The following SH3GL3 variants were observed in gnomAD, a reference collection of about 807,000 sequenced individuals.
SH3GL3 encodes SH3 domain containing GRB2 like 3, endophilin A3.
In SH3GL3, 33 loss-of-function variants were observed where a neutral mutation model predicts 47.7. That is an observed-to-expected ratio of 0.69 (90% CI 0.52 to 0.92). The LOEUF is 0.92. Ranked by LOEUF, SH3GL3 falls within the 40% of genes least tolerant of loss-of-function variation. SH3GL3 has a pLI of 0.00. For missense variants in SH3GL3, 363 were observed against 417.8 expected, an observed-to-expected ratio of 0.87 and a Z score of 1.14; for synonymous variants, 155 against 148.8, an observed-to-expected ratio of 1.04 and a Z score of -0.30.
chr15:83,627,462 T>C, the SH3GL3 span, among the ~76,000 whole-genome samples: 1 of 151,788 alleles, frequency 6.6e-6, no homozygotes, highest in Non-Finnish European at 1.5e-5. Flanking sequence ...CTGTATTTCA[T>C]ATGTCCTAGT....
At chr15:83,460,075 T>G (rs1268596048) in intron 1 of SH3GL3, among the ~76,000 whole-genome samples, 4 of 121,404 alleles carry the variant, frequency 3.3e-5, no homozygotes, top group Non-Finnish European at 5.1e-5. Flanking sequence ...CCTCCCTTCC[T>G]TCCTTCCTTC....
At chr15:83,588,597 G>A in intron 7 of SH3GL3, 65 bp from the exon 8 acceptor site, 1 of 993,538 alleles carries the variant, frequency 1.0e-6, no homozygotes, top group East Asian at 2.4e-5. Context: ...ACAAGGCAGA[G>A]AGGATGTGTG....
chr15:83,621,388 A>G (rs562117325), downstream of SH3GL3, among the ~76,000 whole-genome samples: 30 of 152,272 alleles, frequency 2.0e-4, no homozygotes, highest in African/African-American at 6.7e-4. Flanking sequence ...TAATTGGCCT[A>G]ATTTCAATAT....
intron 1 of SH3GL3, among the ~76,000 whole-genome samples, chr15:83,476,168 C>G (rs2041085302): frequency 6.6e-6 from 1 of 152,120 alleles, no homozygotes; most frequent in African/African-American, 2.4e-5. Flanking sequence ...TATCCTCCTT[C>G]TACGAAGGAG....
At chr15:83,516,849 G>A (rs969881024) in intron 1 of SH3GL3, among the ~76,000 whole-genome samples, 1 of 151,866 alleles carries the variant, frequency 6.6e-6, no homozygotes, top group Non-Finnish European at 1.5e-5. Context: ...GCCTATTTTT[G>A]AACTTCTAAA....
At chr15:83,500,878 T>C (rs1254166783) in intron 1 of SH3GL3, among the ~76,000 whole-genome samples, 1 of 152,240 alleles carries the variant, frequency 6.6e-6, no homozygotes, top group Non-Finnish European at 1.5e-5. Flanking sequence ...TTACCTGGGC[T>C]AGTAACTCGC....
chr15:83,457,844 C>T (rs990800180), intron 1 of SH3GL3, among the ~76,000 whole-genome samples: 5 of 152,106 alleles, frequency 3.3e-5, no homozygotes, highest in African/African-American at 9.7e-5. Context: ...GGATATAATA[C>T]AATCCATATA....
intron 1 of SH3GL3, among the ~76,000 whole-genome samples, chr15:83,516,549 C>T (rs2042986857): frequency 6.6e-6 from 1 of 152,082 alleles, no homozygotes; most frequent in Admixed American, 6.6e-5. Context: ...TCTAGGGAGG[C>T]TTCGGGAAGA....
intron 1 of SH3GL3, among the ~76,000 whole-genome samples, chr15:83,516,865 G>C (rs899486355): frequency 2.6e-5 from 4 of 151,858 alleles, no homozygotes; most frequent in Non-Finnish European, 4.4e-5. Flanking sequence ...CTAAAATTAG[G>C]GCCATATCGT....
At chr15:83,569,870 T>C (rs1382933301) in intron 4 of SH3GL3, among the ~76,000 whole-genome samples, 1 of 151,240 alleles carries the variant, frequency 6.6e-6, no homozygotes. Context: ...TTTTCCCCCC[T>C]GTCTCATGAG....
the SH3GL3 span, among the ~76,000 whole-genome samples, chr15:83,627,454 G>A: frequency 2.0e-5 from 3 of 152,020 alleles, no homozygotes; most frequent in South Asian, 2.1e-4. Context: ...TAAAAAGGCT[G>A]TATTTCATAT....
At chr15:83,512,582 G>A (rs2042808225) in intron 1 of SH3GL3, among the ~76,000 whole-genome samples, 1 of 152,138 alleles carries the variant, frequency 6.6e-6, no homozygotes. Context: ...GGTCCTCTTT[G>A]TGTCTGCCCC....
At chr15:83,632,047 T>A in the SH3GL3 span, among the ~76,000 whole-genome samples, 2 of 152,268 alleles carry the variant, frequency 1.3e-5, no homozygotes, top group East Asian at 3.9e-4. Context: ...GTTCCACAGA[T>A]CTCTAGGGCA....
chr15:83,598,231 C>CA (rs2060283155), intron 8 of SH3GL3, among the ~76,000 whole-genome samples: 1 of 152,150 alleles, frequency 6.6e-6, no homozygotes, highest in African/African-American at 2.4e-5. Context: ...GGCACTGGTA[C>CA]AAACCCAGGA....
chr15:83,576,545 G>C, intron 5 of SH3GL3, 38 bp from the exon 6 acceptor site: 1 of 1,549,866 alleles, frequency 6.5e-7, no homozygotes, highest in Non-Finnish European at 8.7e-7. Context: ...GGTTTTGAAT[G>C]TAGCACCTCT....
intron 6 of SH3GL3, 129 bp downstream of exon 6, chr15:83,576,870 TA>T: frequency 2.3e-6 from 1 of 425,654 alleles, no homozygotes. Flanking sequence ...GGGCCACACA[TA>T]AAATACACTA....
intron 1 of SH3GL3, among the ~76,000 whole-genome samples, chr15:83,464,015 G>A (rs2040444993): frequency 6.6e-6 from 1 of 152,104 alleles, no homozygotes; most frequent in Admixed American, 6.5e-5. Flanking sequence ...GCCCGCCTCG[G>A]CCTCCCAAAG....
intron 1 of SH3GL3, among the ~76,000 whole-genome samples, chr15:83,497,420 A>G (rs1267605096): frequency 6.6e-6 from 1 of 152,108 alleles, no homozygotes. Flanking sequence ...CTCTTTTACC[A>G]ATAAATATGG....
chr15:83,561,234 A>T (rs956282983), intron 2 of SH3GL3, among the ~76,000 whole-genome samples: 1 of 152,194 alleles, frequency 6.6e-6, no homozygotes, highest in Non-Finnish European at 1.5e-5. Context: ...GTACTAGGTT[A>T]TAGAAAAAAA....
Sources: allele counts gnomAD v4.1 joint callset (sites outside exome capture counted in the v4.1 genomes callset), GRCh38; gene constraint gnomAD v4.1.1; transcripts MANE v1.5; gene names NCBI Gene and HGNC (gene_info 2026-07-23, HGNC 2026-07-21).